Variants in DLEU7 observed in about 807,000 individuals in gnomAD.
The protein encoded by DLEU7 is leukemia-associated protein 7.
Under a neutral mutation model 16.0 loss-of-function variants are expected in DLEU7, and 17 were observed. That is an observed-to-expected ratio of 1.06 (90% confidence interval 0.73 to 1.59). DLEU7 has a LOEUF of 1.59. DLEU7 is among the 40% of genes most tolerant of loss of function. The probability of loss-of-function intolerance (pLI) is 0.00; values close to 1 mark genes in which losing one functional copy is unlikely to be tolerated. For synonymous variants in DLEU7, 113 were observed against 139.8 expected (o/e 0.81, Z 1.35); for missense variants, 308 against 314.9 (o/e 0.98, Z 0.17).
At chr13:50,777,360 G>A (rs183621776) in intron 1 of DLEU7, among the ~76,000 whole-genome samples, 19 of 152,238 alleles carry the variant, frequency 1.2e-4, no homozygotes, top group East Asian at 3.9e-4. Context: ...AGCATGGCCC[G>A]GATAAAGCAG....
At chr13:50,822,818 G>A (rs1178533940), downstream of DLEU7, 5 of 987,160 alleles carry the variant, frequency 5.1e-6, no homozygotes, top group Admixed American at 6.0e-5. Flanking sequence ...GACACATATA[G>A]TCCTACAAAG....
At chr13:50,771,688 G>A (rs1197343308) in intron 1 of DLEU7, among the ~76,000 whole-genome samples, 1 of 152,166 alleles carries the variant, frequency 6.6e-6, no homozygotes, top group Non-Finnish European at 1.5e-5. Flanking sequence ...TTCCAACTCT[G>A]TGGTCAATTT....
At chr13:50,836,103 A>G (rs1046359474) in intron 1 of DLEU7, among the ~76,000 whole-genome samples, 3 of 152,296 alleles carry the variant, frequency 2.0e-5, no homozygotes, top group Non-Finnish European at 4.4e-5. Context: ...GTAAATTGTA[A>G]ATCAGCTCAT....
intron 1 of DLEU7, among the ~76,000 whole-genome samples, chr13:50,771,142 A>G (rs11840614): frequency 0.24 from 37,105 of 151,962 alleles, 4,871 homozygotes; most frequent in Middle Eastern, 0.35. Flanking sequence ...TATTGTGTCT[A>G]TTTGATTCTT....
At chr13:50,786,395 G>C (rs1875795996) in intron 1 of DLEU7, among the ~76,000 whole-genome samples, 1 of 152,136 alleles carries the variant, frequency 6.6e-6, no homozygotes, top group Non-Finnish European at 1.5e-5. Flanking sequence ...ATAGATAAGA[G>C]CTAATTTGTA....
intron 1 of DLEU7, among the ~76,000 whole-genome samples, chr13:50,744,540 GGT>G (rs911322137): frequency 1.1e-4 from 16 of 152,072 alleles, no homozygotes; most frequent in African/African-American, 3.6e-4. Context: ...TACTTTTGTG[GGT>G]GAACGCTTTA....
At chr13:50,832,466 A>C (rs952390799) in intron 1 of DLEU7, among the ~76,000 whole-genome samples, 1 of 151,978 alleles carries the variant, frequency 6.6e-6, no homozygotes, top group African/African-American at 2.4e-5. Flanking sequence ...AAGGTTTTTC[A>C]TGTCTCTATC....
At chr13:50,721,144 C>T (rs959094706) in intron 1 of DLEU7, among the ~76,000 whole-genome samples, 8 of 152,196 alleles carry the variant, frequency 5.3e-5, no homozygotes, top group East Asian at 3.8e-4. Flanking sequence ...CTGAGTCTTA[C>T]GGCTTTCATC....
chr13:50,730,616 G>C (rs1873888351), intron 1 of DLEU7, among the ~76,000 whole-genome samples: 1 of 152,048 alleles, frequency 6.6e-6, no homozygotes. Context: ...ACTTTCCAGG[G>C]AATCTCCTGG....
intron 1 of DLEU7, among the ~76,000 whole-genome samples, chr13:50,737,132 G>T (rs911599122): frequency 6.6e-6 from 1 of 151,960 alleles, no homozygotes; most frequent in South Asian, 2.1e-4. Flanking sequence ...ATTTTGTGAG[G>T]TCAATAAAAC....
intron 1 of DLEU7, among the ~76,000 whole-genome samples, chr13:50,813,691 T>C (rs1876638399): frequency 6.6e-6 from 1 of 152,232 alleles, no homozygotes; most frequent in African/African-American, 2.4e-5. Context: ...TTAAGCAATA[T>C]ATATATTTTA....
chr13:50,783,317 A>T (rs949045141), intron 1 of DLEU7, among the ~76,000 whole-genome samples: 5 of 152,196 alleles, frequency 3.3e-5, no homozygotes, highest in Non-Finnish European at 7.3e-5. Flanking sequence ...CCAAACAATG[A>T]CATGAACAAA....
rs4053229 is a variant in DLEU7 at position 50,747,374 on chromosome 13, CAG to C, written c.460-34136_460-34135del. ...TGTGTGTGTGTGTGTGTGTGTGTGA[CAG>C]AGAGGGAGAAAGTGGGTGTGTGCGC... On this transcript the variant is annotated intron_variant, in intron 1 of 1. Transcript: ENST00000400393. 8.4e-3 allele frequency among the ~76,000 whole-genome samples: 1,188 copies of C among 141,458 alleles called. 44 individuals carry two copies. The highest frequency in any genetic ancestry group is 0.061 in the Admixed American group (865 of 14,272). 92.8% of individuals were successfully genotyped at this position (141,458 alleles called of 152,430 possible).
At chr13:50,801,288 A>C (rs750834760) in intron 1 of DLEU7, among the ~76,000 whole-genome samples, 17 of 151,856 alleles carry the variant, frequency 1.1e-4, no homozygotes, top group Non-Finnish European at 1.9e-4. Flanking sequence ...CTACACCGTC[A>C]CCCCTCCATC....
chr13:50,836,535 G>T (rs1032920370), intron 1 of DLEU7, among the ~76,000 whole-genome samples: 2 of 151,964 alleles, frequency 1.3e-5, no homozygotes, highest in Non-Finnish European at 2.9e-5. Context: ...TTAGCCAGGC[G>T]TGGTGGCAGG....
At chr13:50,720,307 TC>T (rs1169908043) in intron 1 of DLEU7, among the ~76,000 whole-genome samples, 1 of 152,216 alleles carries the variant, frequency 6.6e-6, no homozygotes, top group Non-Finnish European at 1.5e-5. Context: ...TTTCCTTTCT[TC>T]CCTTCCTTCT....
chr13:50,759,938 G>A (rs1401335409), intron 1 of DLEU7, among the ~76,000 whole-genome samples: 1 of 152,126 alleles, frequency 6.6e-6, no homozygotes, highest in African/African-American at 2.4e-5. Flanking sequence ...TCCCTTCTGA[G>A]ATCCTACTAT....
At chr13:50,769,541 G>T (rs551348403) in intron 1 of DLEU7, among the ~76,000 whole-genome samples, 6 of 152,270 alleles carry the variant, frequency 3.9e-5, no homozygotes, top group African/African-American at 1.4e-4. Flanking sequence ...TTATTAAATA[G>T]GGAGTCCTTT....
intron 1 of DLEU7, among the ~76,000 whole-genome samples, chr13:50,773,246 C>T (rs995131314): frequency 2.6e-5 from 4 of 151,986 alleles, no homozygotes; most frequent in Non-Finnish European, 5.9e-5. Flanking sequence ...TTGTTATTAC[C>T]GACCTTCTGA....
Sources: gnomAD v4.1 joint callset for allele counts (sites outside exome capture counted in the v4.1 genomes callset) on GRCh38, gnomAD v4.1.1 for gene constraint, MANE v1.5 for transcripts, NCBI Gene and HGNC (gene_info 2026-07-23, HGNC 2026-07-21) for gene names.